Variants in SNTG1 observed in about 807,000 individuals in gnomAD.
SNTG1 encodes the protein gamma-1-syntrophin.
SNTG1 carries 39 observed loss-of-function variants against 74.7 expected under a neutral mutation model. The observed-to-expected ratio is 0.52, with a 90% CI of 0.40 to 0.68. The LOEUF is 0.68. Ranked by LOEUF, SNTG1 falls within the 30% of genes least tolerant of loss-of-function variation. SNTG1 has a pLI of 0.00. For synonymous variants in SNTG1, 254 were observed against 217.1 expected (o/e 1.17, Z -1.49); for missense variants, 685 against 609.5 (o/e 1.12, Z -1.30).
intron 1 of SNTG1, among the ~76,000 whole-genome samples, chr8:49,984,605 T>C (rs1278985708): frequency 6.6e-6 from 1 of 152,234 alleles, no homozygotes; most frequent in African/African-American, 2.4e-5. Context: ...CTTATATGGT[T>C]CAATTACTTG....
At chr8:50,637,950 C>A in intron 13 of SNTG1, among the ~76,000 whole-genome samples, 1 of 152,078 alleles carries the variant, frequency 6.6e-6, no homozygotes, top group Non-Finnish European at 1.5e-5. Flanking sequence ...CCTCAACATA[C>A]TTATTCTTAT....
chr8:50,733,546 C>T (rs979740920), intron 17 of SNTG1, among the ~76,000 whole-genome samples: 3 of 151,928 alleles, frequency 2.0e-5, no homozygotes, highest in African/African-American at 7.2e-5. Context: ...ACATTCCCAC[C>T]AACAGTGTAT....
At chr8:50,474,261 A>G (rs1312006656) in intron 8 of SNTG1, among the ~76,000 whole-genome samples, 1 of 152,124 alleles carries the variant, frequency 6.6e-6, no homozygotes, top group Non-Finnish European at 1.5e-5. Context: ...TGCACAGCAA[A>G]AGAAACCACC....
chr8:50,609,442 TG>T (rs1340822795), intron 13 of SNTG1, among the ~76,000 whole-genome samples: 7 of 152,246 alleles, frequency 4.6e-5, no homozygotes, highest in Admixed American at 6.5e-5. Flanking sequence ...ATTTGATAAA[TG>T]TTTTTTTGCT....
At chr8:50,441,175 G>A (rs1248498028) in intron 5 of SNTG1, among the ~76,000 whole-genome samples, 4 of 152,194 alleles carry the variant, frequency 2.6e-5, no homozygotes, top group Non-Finnish European at 4.4e-5. Flanking sequence ...AGCGGCTGTG[G>A]GCTGTGGGCA....
intron 1 of SNTG1, among the ~76,000 whole-genome samples, chr8:50,047,848 G>A (rs1006636041): frequency 3.3e-5 from 5 of 152,130 alleles, no homozygotes. Context: ...ATTTTACCAA[G>A]TTGCTAAGAT....
chr8:50,625,068 A>G (rs1432182416), intron 13 of SNTG1, among the ~76,000 whole-genome samples: 2 of 152,164 alleles, frequency 1.3e-5, no homozygotes, highest in African/African-American at 2.4e-5. Context: ...TAATATCACT[A>G]CAGATTAATG....
chr8:50,370,858 T>C (rs1465240224), intron 2 of SNTG1, among the ~76,000 whole-genome samples: 1 of 152,090 alleles, frequency 6.6e-6, no homozygotes, highest in Non-Finnish European at 1.5e-5. Flanking sequence ...TGTGAATGGA[T>C]ACTAAGAGTA....
At chr8:49,955,517 A>G (rs1299316272) in intron 1 of SNTG1, among the ~76,000 whole-genome samples, 1 of 152,184 alleles carries the variant, frequency 6.6e-6, no homozygotes, top group African/African-American at 2.4e-5. Context: ...TTACAAATCC[A>G]CTGGGAGTAC....
chr8:49,980,620 G>A (rs755475310), intron 1 of SNTG1, among the ~76,000 whole-genome samples: 13 of 147,484 alleles, frequency 8.8e-5, no homozygotes, highest in East Asian at 2.0e-4. Flanking sequence ...GACTCCACTC[G>A]CAAGAACAGT....
At chr8:50,411,741 T>A (rs778785064) in intron 4 of SNTG1, among the ~76,000 whole-genome samples, 12 of 152,164 alleles carry the variant, frequency 7.9e-5, no homozygotes, top group Non-Finnish European at 1.5e-4. Context: ...CTAGGGACAT[T>A]TACGTTCCTA....
chr8:50,536,359 A>G (rs2094307214), intron 10 of SNTG1, among the ~76,000 whole-genome samples: 1 of 152,090 alleles, frequency 6.6e-6, no homozygotes, highest in African/African-American at 2.4e-5. Flanking sequence ...GTTTTTTCCC[A>G]CTTTTTCCAT....
At chr8:49,957,957 A>C (rs572035959) in intron 1 of SNTG1, among the ~76,000 whole-genome samples, 1 of 152,228 alleles carries the variant, frequency 6.6e-6, no homozygotes, top group South Asian at 2.1e-4. Flanking sequence ...ATAAATAAAC[A>C]TTATTCAAAT....
intron 10 of SNTG1, among the ~76,000 whole-genome samples, chr8:50,531,475 C>T (rs1263901047): frequency 6.6e-6 from 1 of 152,004 alleles, no homozygotes; most frequent in Non-Finnish European, 1.5e-5. Flanking sequence ...AATTTTTTAC[C>T]TCTTTATTTT....
At chr8:50,450,866 C>T (rs1196499675) in intron 8 of SNTG1, 137 bp downstream of exon 8, 2 of 833,242 alleles carry the variant, frequency 2.4e-6, no homozygotes, top group African/African-American at 1.7e-5. Flanking sequence ...CAAATGTTCT[C>T]TTAATTTTTT....
chr8:50,458,524 T>C lies in SNTG1; in HGVS notation c.363+7795T>C, dbSNP rs187631665. The stretch of plus-strand genomic sequence containing the variant: ...GAACCAATGGAATTCAGAAATAAAA[T>C]ATTACATGAAATAAAAGGAGCATCC... On this transcript the variant is annotated intron_variant, in intron 8 of 18. Coordinates refer to ENST00000642720, the MANE Select transcript of SNTG1 (RefSeq NM_018967.5). 5.3e-5 allele frequency among the ~76,000 whole-genome samples: 8 copies of C among 152,092 alleles called. No individual in the cohort carries two copies. The East Asian group carries it at 1.5e-3, about 29-fold the overall frequency.
chr8:50,321,910 T>A (rs35651230), intron 2 of SNTG1, among the ~76,000 whole-genome samples: 23,700 of 152,122 alleles, frequency 0.16, 2,275 homozygotes, highest in Middle Eastern at 0.28. Context: ...TAAAAATGTG[T>A]TGTAGTTATT....
chr8:50,703,844 G>A (rs990282125), intron 15 of SNTG1, among the ~76,000 whole-genome samples: 1 of 152,014 alleles, frequency 6.6e-6, no homozygotes, highest in African/African-American at 2.4e-5. Context: ...GATCACCGTC[G>A]CATATGCAGT....
chr8:50,131,287 A>C (rs949243993), intron 1 of SNTG1, among the ~76,000 whole-genome samples: 10 of 152,120 alleles, frequency 6.6e-5, no homozygotes, highest in Non-Finnish European at 1.3e-4. Flanking sequence ...CAAAGTGGGC[A>C]CTCGATTATT....
Sources: allele counts gnomAD v4.1 joint callset (sites outside exome capture counted in the v4.1 genomes callset), GRCh38; gene constraint gnomAD v4.1.1; transcripts MANE v1.5; gene names NCBI Gene and HGNC (gene_info 2026-07-23, HGNC 2026-07-21).